Variants in SLC8A3 observed in about 807,000 individuals in gnomAD.
SLC8A3 encodes sodium/calcium exchanger 3.
Under a neutral mutation model 65.4 loss-of-function variants are expected in SLC8A3, and 37 were observed. That is an observed-to-expected ratio of 0.57 (90% CI 0.44 to 0.74). SLC8A3 has a LOEUF of 0.74. Ranked by LOEUF, SLC8A3 falls within the 30% of genes least tolerant of loss-of-function variation. SLC8A3 has a pLI of 0.00. For missense variants in SLC8A3, 1,112 were observed against 1,172.1 expected, an observed-to-expected ratio of 0.95 and a Z score of 0.75; for synonymous variants, 461 against 444.5, an observed-to-expected ratio of 1.04 and a Z score of -0.47.
At chr14:70,057,320 A>AGATG (rs1480668318) in intron 3 of SLC8A3, among the ~76,000 whole-genome samples, 2 of 152,122 alleles carry the variant, frequency 1.3e-5, no homozygotes, top group African/African-American at 4.8e-5. Context: ...ATAGATAGAT[A>AGATG]GATAGATAGA....
chr14:70,068,426 C>T (rs1429226977), intron 2 of SLC8A3, among the ~76,000 whole-genome samples: 4 of 152,068 alleles, frequency 2.6e-5, no homozygotes, highest in Non-Finnish European at 5.9e-5. Context: ...TCACCCAGGC[C>T]GGAGTGCAGT....
At chr14:70,140,106 G>A (rs1489442820) in intron 2 of SLC8A3, among the ~76,000 whole-genome samples, 1 of 152,122 alleles carries the variant, frequency 6.6e-6, no homozygotes, top group Admixed American at 6.5e-5. Flanking sequence ...CTTTAAAATG[G>A]AAGGGCAGAA....
chr14:70,135,553 T>G (rs1895133710), intron 2 of SLC8A3, among the ~76,000 whole-genome samples: 2 of 152,180 alleles, frequency 1.3e-5, no homozygotes, highest in Admixed American at 1.3e-4. Flanking sequence ...GGAATACCAT[T>G]TAGCCATAAA....
At chr14:70,102,589 T>G (rs77535473) in intron 2 of SLC8A3, among the ~76,000 whole-genome samples, 4,131 of 152,224 alleles carry the variant, frequency 0.027, 97 homozygotes, top group South Asian at 0.09. Context: ...TTTAAGAACC[T>G]AATATTGTGG....
intron 2 of SLC8A3, among the ~76,000 whole-genome samples, chr14:70,108,546 A>G (rs1047703103): frequency 2.0e-5 from 3 of 152,116 alleles, no homozygotes; most frequent in Non-Finnish European, 4.4e-5. Context: ...ACTTCTACAG[A>G]TGGATCACTG....
At chr14:70,074,240 G>A (rs562658443) in intron 2 of SLC8A3, among the ~76,000 whole-genome samples, 2 of 152,330 alleles carry the variant, frequency 1.3e-5, no homozygotes, top group South Asian at 2.1e-4. Context: ...GGGTCCCAAA[G>A]GGGTTGTCAG....
intron 2 of SLC8A3, among the ~76,000 whole-genome samples, chr14:70,135,870 A>G (rs1410478923): frequency 2.0e-5 from 3 of 152,186 alleles, no homozygotes; most frequent in Non-Finnish European, 4.4e-5. Context: ...ACAATAATCT[A>G]TTGTATATTT....
chr14:70,164,098 G>T (rs892717802), intron 2 of SLC8A3, among the ~76,000 whole-genome samples: 1 of 152,086 alleles, frequency 6.6e-6, no homozygotes, highest in South Asian at 2.1e-4. Context: ...AGCATATACC[G>T]TGTACCAGGT....
intron 2 of SLC8A3, among the ~76,000 whole-genome samples, chr14:70,094,094 C>G (rs913936886): frequency 3.3e-5 from 5 of 152,232 alleles, no homozygotes; most frequent in African/African-American, 1.2e-4. Context: ...CCTTGCTGAC[C>G]TTTGCATAAG....
Position 70,067,564 on chromosome 14 carries a change from T to C in SLC8A3, c.1785-6625A>G, listed in dbSNP as rs186529379. Among the ~76,000 whole-genome samples the C allele has an allele frequency of 1.5e-3, 230 of 152,334 alleles. 1 individual carries two copies. Among genetic ancestry groups the C allele is most frequent in the Non-Finnish European group, 1.5e-3 (104 of 68,028 alleles). ...CAAACATAACTTGCTGAGTGACTCA[T>C]GGTGAATTTCTAACACACTTGAGAC... On this transcript the variant is annotated intron_variant, in intron 2 of 6. Transcript: ENST00000356921.
chr14:70,160,381 G>T (rs1896812668), intron 2 of SLC8A3, among the ~76,000 whole-genome samples: 1 of 152,084 alleles, frequency 6.6e-6, no homozygotes, highest in Non-Finnish European at 1.5e-5. Context: ...GGAGGCAGAG[G>T]TTGCAATAAG....
At chr14:70,081,757 C>A (rs1223267623) in intron 2 of SLC8A3, among the ~76,000 whole-genome samples, 1 of 152,128 alleles carries the variant, frequency 6.6e-6, no homozygotes, top group African/African-American at 2.4e-5. Flanking sequence ...AAGATTGGGA[C>A]TAAAAATATG....
chr14:70,154,909 T>C (rs1364605232), intron 2 of SLC8A3, among the ~76,000 whole-genome samples: 1 of 146,336 alleles, frequency 6.8e-6, no homozygotes, highest in Non-Finnish European at 1.5e-5. Context: ...TCACCTTAAA[T>C]ATTTATCATT....
At chr14:70,091,018 G>C (rs1269743996) in intron 2 of SLC8A3, among the ~76,000 whole-genome samples, 1 of 152,160 alleles carries the variant, frequency 6.6e-6, no homozygotes, top group Admixed American at 6.5e-5. Flanking sequence ...CCTGGACTAA[G>C]AGCTAAAGAT....
chr14:70,110,871 G>A (rs1328497426), intron 2 of SLC8A3, among the ~76,000 whole-genome samples: 1 of 151,564 alleles, frequency 6.6e-6, no homozygotes, highest in Non-Finnish European at 1.5e-5. Context: ...TAGTAGAGAC[G>A]GGGTTTTACC....
chr14:70,170,401 C>A (rs1356617809), intron 1 of SLC8A3, among the ~76,000 whole-genome samples: 1 of 152,206 alleles, frequency 6.6e-6, no homozygotes, highest in Non-Finnish European at 1.5e-5. Flanking sequence ...TTGCACTCCC[C>A]ACTCTTAATA....
At chr14:70,123,140 G>A (rs923985157) in intron 2 of SLC8A3, among the ~76,000 whole-genome samples, 3 of 151,362 alleles carry the variant, frequency 2.0e-5, no homozygotes, top group Admixed American at 6.6e-5. Flanking sequence ...AGCTACTCAG[G>A]AGGCTGAGGC....
At chr14:70,086,592 C>T (rs1356388213) in intron 2 of SLC8A3, among the ~76,000 whole-genome samples, 11 of 151,828 alleles carry the variant, frequency 7.2e-5, no homozygotes, top group Non-Finnish European at 1.6e-4. Context: ...TTGGTAGAGA[C>T]GGAGTTTCGC....
At chr14:70,158,708 T>TTA (rs1459352683) in intron 2 of SLC8A3, among the ~76,000 whole-genome samples, 1 of 152,144 alleles carries the variant, frequency 6.6e-6, no homozygotes. Context: ...ACAACTGAAC[T>TTA]TATATATATA....
Sources: gnomAD v4.1 joint callset for allele counts (sites outside exome capture counted in the v4.1 genomes callset) on GRCh38, gnomAD v4.1.1 for gene constraint, MANE v1.5 for transcripts, NCBI Gene and HGNC (gene_info 2026-07-23, HGNC 2026-07-21) for gene names.